Variants in FOXE1 observed in about 807,000 individuals in gnomAD.
FOXE1 encodes the protein forkhead box E1.
Under a neutral mutation model 2.1 loss-of-function variants are expected in FOXE1, and 4 were observed. That is an observed-to-expected ratio of 1.91 (90% confidence interval 0.94 to 4.37). The LOEUF (loss-of-function observed/expected upper bound fraction) is 4.37. FOXE1 is among the 30% of genes most tolerant of loss of function. The probability of loss-of-function intolerance (pLI) is 0.01; values close to 1 mark genes in which losing one functional copy is unlikely to be tolerated. For missense variants in FOXE1, 574 were observed against 583.3 expected (o/e 0.98, Z 0.16); for synonymous variants, 277 against 272.4 (o/e 1.02, Z -0.17).
chr9:97,854,204 G>T lies in FOXE1; in HGVS notation c.290G>T (p.Trp97Leu), dbSNP rs772990488. 3 of 1,613,032 alleles carry T rather than the reference G, an allele frequency of 1.9e-6. No individual in the cohort carries two copies. In the Admixed American group the frequency reaches 5.0e-5, roughly 27 times the overall value. The change falls in exon 1 of 1, where the codon TGG becomes TTG. Residue 97 changes from tryptophan to leucine, a missense_variant. By Grantham distance (61) the Trp-to-Leu change is moderately conservative. This residue lies in a region of FOXE1 where 249 missense variants were observed against 269.6 expected (regional missense o/e 0.92). Coordinates refer to ENST00000375123, the MANE Select transcript of FOXE1 (RefSeq NM_004473.4). ...TTCTACCGCGACAACCCCAAAAAGT[G>T]GCAGAACAGCATCCGCCACAACCTC... is the stretch of plus-strand genomic sequence containing the variant. Reference protein sequence around the residue: ...FPFYRDNPKKWQNSIRHNLTL... With the variant: ...FPFYRDNPKKLQNSIRHNLTL...
chr9:97,854,101 G>A lies in FOXE1; in HGVS notation c.187G>A (p.Ala63Thr). Residue 63 changes from alanine to threonine, a missense_variant, in exon 1 of 1, where the codon GCC becomes ACC. By Grantham distance (58) the Ala-to-Thr change is moderately conservative (BLOSUM62 0). Around this residue, in one of 3 missense-constraint regions of FOXE1, gnomAD observed 249 missense variants for 269.6 expected, o/e 0.92. Coordinates refer to ENST00000375123, the MANE Select transcript of FOXE1 (RefSeq NM_004473.4). ...KPPYSYIALIAMAIAHAPERR... is the reference protein window; with the variant it reads ...KPPYSYIALITMAIAHAPERR... ...GCCCTACAGCTACATCGCGCTCATCGCCATGGCCATCGCGCACGCGCCCGA... is the reference window on the plus strand; with the variant it reads ...GCCCTACAGCTACATCGCGCTCATCACCATGGCCATCGCGCACGCGCCCGA... 2 of 1,609,732 alleles carry A rather than the reference G, an allele frequency of 1.2e-6. No homozygotes were observed. Among genetic ancestry groups the A allele is most frequent in the East Asian group, 2.2e-5 (1 of 44,700 alleles).
chr9:97,853,229 C>G lies in FOXE1; in HGVS notation c.-686C>G, dbSNP rs1564088477. 6.6e-6 allele frequency: 1 copy of G among 152,438 alleles called. No homozygotes were observed. The highest frequency in any genetic ancestry group is 1.5e-5 in the Non-Finnish European group (1 of 68,244). The allele number at this position is 152,438 out of a possible 1,614,324, so 9.4% of individuals were successfully genotyped here. On this transcript the variant is annotated 5_prime_UTR_variant, in exon 1 of 1. Transcript: ENST00000375123. ...GAGGGGAAGCCGGCGGAGGGAGGAGCCGGTCCGGTGTGTGCAGGGGAGCGC... is the reference window on the plus strand; with the variant it reads ...GAGGGGAAGCCGGCGGAGGGAGGAGGCGGTCCGGTGTGTGCAGGGGAGCGC...
At position 97,854,119 on chromosome 9, in the gene FOXE1, G is replaced by A. The variant is rs1174239223; in HGVS notation, c.205G>A (p.Ala69Thr). The A allele has an allele frequency of 1.2e-6, 2 of 1,611,614 alleles. No individual in the cohort carries two copies. Among genetic ancestry groups the A allele is most frequent in the East Asian group, 2.2e-5 (1 of 44,756 alleles). The change falls in exon 1 of 1, where the codon GCG becomes ACG. Residue 69 changes from alanine (A) to threonine (T), a missense_variant. Ala to Thr is a moderately conservative substitution (Grantham distance 58). This residue lies in a region of FOXE1 where 249 missense variants were observed against 269.6 expected (regional missense o/e 0.92). Coordinates refer to ENST00000375123, the MANE Select transcript of FOXE1 (RefSeq NM_004473.4). ...IALIAMAIAH[A>T]PERRLTLGGI... is the part of the protein sequence containing the mutation. ...GCTCATCGCCATGGCCATCGCGCAC[G>A]CGCCCGAGCGCCGCCTCACGCTGGG... is the stretch of plus-strand genomic sequence containing the variant.
chr9:97,854,019 C>T lies in FOXE1; in HGVS notation c.105C>T (p.Ala35=), dbSNP rs760121433. The T allele has an allele frequency of 2.1e-6, 3 of 1,407,976 alleles. No homozygotes were observed. The highest frequency in any genetic ancestry group is 3.0e-5 in the African/African-American group (2 of 65,718). 87.2% of individuals were successfully genotyped at this position (1,407,976 alleles called of 1,614,324 possible). A position where few individuals can be genotyped will look rare whatever the true frequency, so the allele number is the denominator to read the frequency against. The part of the protein sequence containing the change: ...TAAGAGVPGE[A]TGRGAGGRRR... Reference sequence around the variant, plus strand: ...CAGGGGCCGGGGTCCCAGGGGAGGCCACGGGCCGCGGGGCGGGCGGGCGGC... The same window carrying T: ...CAGGGGCCGGGGTCCCAGGGGAGGCTACGGGCCGCGGGGCGGGCGGGCGGC... The change falls in exon 1 of 1, where the codon GCC becomes GCT. Residue 35 remains alanine (A), a synonymous_variant. Coordinates refer to ENST00000375123, the MANE Select transcript of FOXE1 (RefSeq NM_004473.4).
In FOXE1 at chr9:97,854,726, C is replaced by T. The variant is rs1457769253; in HGVS notation, c.812C>T (p.Pro271Leu). ...YQPAGCTGAR[P>L]ANPSAYAAAY... is the part of the protein sequence containing the mutation. ...CCCGCAGGCTGCACCGGGGCCCGGC[C>T]GGCCAACCCCTCCGCCTATGCGGCT... The change falls in exon 1 of 1, where the codon CCG becomes CTG. Residue 271 changes from proline to leucine, a missense_variant. Pro to Leu is a moderately conservative substitution (Grantham distance 98). This residue lies in a region of FOXE1 where 316 missense variants were observed against 288.4 expected (regional missense o/e 1.10). Transcript: ENST00000375123. 7.1e-7 allele frequency: 1 copy of T among 1,413,662 alleles called. No homozygotes were observed. Among genetic ancestry groups the T allele is most frequent in the East Asian group, 2.9e-5 (1 of 34,798 alleles). 87.6% of individuals were successfully genotyped at this position (1,413,662 alleles called of 1,614,324 possible). A position where few individuals can be genotyped will look rare whatever the true frequency, so the allele number is the denominator to read the frequency against.
Position 97,854,408 on chromosome 9 carries a change from C to G in FOXE1, c.494C>G (p.Ala165Gly). The change falls in exon 1 of 1, where the codon GCG (alanine) becomes GGG (glycine). Residue 165 changes from alanine (A) to glycine (G), a missense_variant. Coordinates refer to ENST00000375123, the MANE Select transcript of FOXE1 (RefSeq NM_004473.4). ...STYPAYMHDA[A>G]AAAAAAAAAA... Reference sequence around the variant, plus strand: ...TACCCGGCTTACATGCACGACGCGGCGGCTGCCGCAGCCGCCGCCGCCGCC... The same window carrying G: ...TACCCGGCTTACATGCACGACGCGGGGGCTGCCGCAGCCGCCGCCGCCGCC... 7.8e-7 allele frequency: 1 copy of G among 1,280,768 alleles called. No individual in the cohort carries two copies. The highest frequency in any genetic ancestry group is 9.8e-7 in the Non-Finnish European group (1 of 1,024,220). The allele number at this position is 1,280,768 out of a possible 1,614,324, so 79.3% of individuals were successfully genotyped here.
In FOXE1 at chr9:97,855,070, G is replaced by A. The variant is rs1036604457; in HGVS notation, c.*34G>A. ...AGGGACGAAAACTCATAGACACATC[G>A]GCTGTTCACACGTTCCCCGCAATCT... On this transcript the variant is annotated 3_prime_UTR_variant, in exon 1 of 1. Coordinates refer to ENST00000375123, the MANE Select transcript of FOXE1 (RefSeq NM_004473.4). The A allele has an allele frequency of 3.7e-6, 6 of 1,610,660 alleles. No homozygotes were observed. The highest frequency in any genetic ancestry group is 4.2e-6 in the Non-Finnish European group (5 of 1,178,804).
In FOXE1 at chr9:97,855,438, C is replaced by T. The variant is rs1830660348; in HGVS notation, c.*402C>T. On this transcript the variant is annotated 3_prime_UTR_variant, in exon 1 of 1. Transcript: ENST00000375123. ...ACTCGGGCCTTTTTACGCGGTTCGTCCTCTAGTGCCTTTAACTGCGTTACT... is the reference window on the plus strand; with the variant it reads ...ACTCGGGCCTTTTTACGCGGTTCGTTCTCTAGTGCCTTTAACTGCGTTACT... 3 of 294,194 alleles carry T rather than the reference C, an allele frequency of 1.0e-5. No individual in the cohort carries two copies. The highest frequency in any genetic ancestry group is 7.9e-5 in the East Asian group (1 of 12,620). The allele number at this position is 294,194 out of a possible 1,614,324, so 18.2% of individuals were successfully genotyped here.
chr9:97,854,850 C>T lies in FOXE1; in HGVS notation c.936C>T (p.Gly312=), dbSNP rs1448061276. Residue 312 remains glycine (G), a synonymous_variant, in exon 1 of 1, where the codon GGC becomes GGT. Coordinates refer to ENST00000375123, the MANE Select transcript of FOXE1 (RefSeq NM_004473.4). ...CGGGACCCGCTTCGCCCCCAGCGGG[C>T]GGCAGCAGTGGCGGCGTGGAGACCA... ...RLAGPASPPA[G]GSSGGVETTV... 1 of 1,551,762 alleles carries T rather than the reference C, an allele frequency of 6.4e-7. No homozygotes were observed. The highest frequency in any genetic ancestry group is 8.6e-7 in the Non-Finnish European group (1 of 1,157,004).
At position 97,854,403 on chromosome 9, in the gene FOXE1, C is replaced by T. The variant is rs1830635400; in HGVS notation, c.489C>T (p.Asp163=). Reference sequence around the variant, plus strand: ...CCACCTACCCGGCTTACATGCACGACGCGGCGGCTGCCGCAGCCGCCGCCG... The same window carrying T: ...CCACCTACCCGGCTTACATGCACGATGCGGCGGCTGCCGCAGCCGCCGCCG... ...DLSTYPAYMH[D]AAAAAAAAAA... Residue 163 remains aspartate (D), a synonymous_variant, in exon 1 of 1, where the codon GAC becomes GAT. Transcript: ENST00000375123. 1.5e-6 allele frequency: 2 copies of T among 1,307,400 alleles called. No individual in the cohort carries two copies. Among genetic ancestry groups the T allele is most frequent in the African/African-American group, 3.6e-5 (2 of 54,990 alleles). The allele number at this position is 1,307,400 out of a possible 1,614,324, so 81.0% of individuals were successfully genotyped here.
Position 97,854,036 on chromosome 9 carries a change from G to T in FOXE1, c.122G>T (p.Gly41Val). The part of the protein sequence containing the change: ...VPGEATGRGA[G>V]GRRRKRPLQR... ...GGGGAGGCCACGGGCCGCGGGGCGG[G>T]CGGGCGGCGCCGCAAGCGCCCCCTG... The change falls in exon 1 of 1, where the codon GGC becomes GTC. Residue 41 changes from glycine to valine, a missense_variant. By Grantham distance (109) the Gly-to-Val change is moderately radical. This residue lies in a region of FOXE1 where 249 missense variants were observed against 269.6 expected (regional missense o/e 0.92). Transcript: ENST00000375123. The T allele has an allele frequency of 6.9e-7, 1 of 1,451,768 alleles. No individual in the cohort carries two copies. The highest frequency in any genetic ancestry group is 9.1e-7 in the Non-Finnish European group (1 of 1,104,500). The allele number at this position is 1,451,768 out of a possible 1,614,324, so 89.9% of individuals were successfully genotyped here.
At position 97,855,206 on chromosome 9, in the gene FOXE1, T is replaced by C; in HGVS notation, c.*170T>C. 1 of 834,770 alleles carries C rather than the reference T, an allele frequency of 1.2e-6. No homozygotes were observed. 51.7% of individuals were successfully genotyped at this position (834,770 alleles called of 1,614,324 possible). Reference sequence around the variant, plus strand: ...CACAGCGTAGGCACCCGGTGTACTCTGTAAACGGGAGGAGGTGGGGCGAGG... The same window carrying C: ...CACAGCGTAGGCACCCGGTGTACTCCGTAAACGGGAGGAGGTGGGGCGAGG... On this transcript the variant is annotated 3_prime_UTR_variant, in exon 1 of 1. Transcript: ENST00000375123.
rs1830665032 is a variant in FOXE1 at position 97,855,826 on chromosome 9, T to C, written c.*790T>C. ...GCCACCCAAAGCCTAGCCGCTGTTC[T>C]AGGGAACGGAAAAGAGTTCATGGCC... On this transcript the variant is annotated 3_prime_UTR_variant, in exon 1 of 1. Transcript: ENST00000375123. 6.0e-6 allele frequency: 1 copy of C among 167,062 alleles called. No homozygotes were observed. Among genetic ancestry groups the C allele is most frequent in the African/African-American group, 2.4e-5 (1 of 41,462 alleles). 10.3% of individuals were successfully genotyped at this position (167,062 alleles called of 1,614,324 possible).
chr9:97,853,397 G>A lies in FOXE1; in HGVS notation c.-518G>A. 6.5e-6 allele frequency: 1 copy of A among 153,234 alleles called. No homozygotes were observed. Among genetic ancestry groups the A allele is most frequent in the East Asian group, 1.9e-4 (1 of 5,170 alleles). The allele number at this position is 153,234 out of a possible 1,614,324, so 9.5% of individuals were successfully genotyped here. A position where few individuals can be genotyped will look rare whatever the true frequency, so the allele number is the denominator to read the frequency against. On this transcript the variant is annotated 5_prime_UTR_variant, in exon 1 of 1. Coordinates refer to ENST00000375123, the MANE Select transcript of FOXE1 (RefSeq NM_004473.4). The stretch of plus-strand genomic sequence containing the variant: ...GCTTACGGCCACCTTGGCCTCGGGG[G>A]CAGGGCATGGGCGGCCCCCGCCAGA...
chr9:97,854,035 G>T lies in FOXE1; in HGVS notation c.121G>T (p.Gly41Cys), dbSNP rs1179653570. The T allele has an allele frequency of 2.8e-6, 4 of 1,450,422 alleles. No homozygotes were observed. The highest frequency in any genetic ancestry group is 1.5e-5 in the African/African-American group (1 of 67,212). The allele number at this position is 1,450,422 out of a possible 1,614,324, so 89.8% of individuals were successfully genotyped here. ...AGGGGAGGCCACGGGCCGCGGGGCG[G>T]GCGGGCGGCGCCGCAAGCGCCCCCT... ...VPGEATGRGA[G>C]GRRRKRPLQR... The change falls in exon 1 of 1, where the codon GGC becomes TGC. Residue 41 changes from glycine to cysteine, a missense_variant. By Grantham distance (159) the Gly-to-Cys change is radical. This residue lies in a region of FOXE1 where 249 missense variants were observed against 269.6 expected (regional missense o/e 0.92). Transcript: ENST00000375123.
rs150571747 is a variant in FOXE1, at chr9:97,854,193, C to T, written c.279C>T (p.Asn93=). 1.8e-3 allele frequency: 2,946 copies of T among 1,613,114 alleles called. 9 individuals are homozygous for T. The highest frequency in any genetic ancestry group is 3.0e-3 in the Middle Eastern group (18 of 6,060). The change falls in exon 1 of 1, where the codon AAC becomes AAT. Residue 93 remains asparagine, a synonymous_variant. Coordinates refer to ENST00000375123, the MANE Select transcript of FOXE1 (RefSeq NM_004473.4). ...ITERFPFYRD[N]PKKWQNSIRH... is the part of the protein sequence containing the mutation. ...AGCGCTTCCCCTTCTACCGCGACAA[C>T]CCCAAAAAGTGGCAGAACAGCATCC...
In FOXE1 at chr9:97,853,953, G is replaced by A. The variant is rs970354550; in HGVS notation, c.39G>A (p.Glu13=). ...GCGGGCCGCCGCCGCCGCAGCCGGA[G>A]GTGCTGGCTACCGTGAAGGAAGAGC... ...AESGPPPPQP[E]VLATVKEERG... is the part of the protein sequence containing the mutation. Residue 13 remains glutamate, a synonymous_variant, in exon 1 of 1, where the codon GAG becomes GAA. Coordinates refer to ENST00000375123, the MANE Select transcript of FOXE1 (RefSeq NM_004473.4). The A allele has an allele frequency of 1.5e-6, 2 of 1,304,666 alleles. No individual in the cohort carries two copies. The highest frequency in any genetic ancestry group is 3.1e-5 in the African/African-American group (2 of 64,230). 80.8% of individuals were successfully genotyped at this position (1,304,666 alleles called of 1,614,324 possible). A position where few individuals can be genotyped will look rare whatever the true frequency, so the allele number is the denominator to read the frequency against.
Position 97,854,865 on chromosome 9 carries a change from C to T in FOXE1, c.951C>T (p.Gly317=), listed in dbSNP as rs757806215. 28 of 1,564,628 alleles carry T rather than the reference C, an allele frequency of 1.8e-5. No homozygotes were observed. The African/African-American group carries it at 2.7e-4, about 15-fold the overall frequency. The stretch of plus-strand genomic sequence containing the variant: ...CCCCAGCGGGCGGCAGCAGTGGCGG[C>T]GTGGAGACCACGGTGGACTTCTACG... ...ASPPAGGSSG[G]VETTVDFYGR... The change falls in exon 1 of 1, where the codon GGC becomes GGT. Residue 317 remains glycine (G), a synonymous_variant. Coordinates refer to ENST00000375123, the MANE Select transcript of FOXE1 (RefSeq NM_004473.4).
Position 97,853,877 on chromosome 9 carries a change from C to A in FOXE1, c.-38C>A. 2 of 1,253,690 alleles carry A rather than the reference C, an allele frequency of 1.6e-6. No homozygotes were observed. Among genetic ancestry groups the A allele is most frequent in the South Asian group, 3.2e-5 (1 of 30,880 alleles). The allele number at this position is 1,253,690 out of a possible 1,614,324, so 77.7% of individuals were successfully genotyped here. A position where few individuals can be genotyped will look rare whatever the true frequency, so the allele number is the denominator to read the frequency against. ...GCCCGCCCCCGCCCCCCGACAGCCGCGGGGATCCAGAGCCCGGGGGTGCGG... is the reference window on the plus strand; with the variant it reads ...GCCCGCCCCCGCCCCCCGACAGCCGAGGGGATCCAGAGCCCGGGGGTGCGG... On this transcript the variant is annotated 5_prime_UTR_variant, in exon 1 of 1. Coordinates refer to ENST00000375123, the MANE Select transcript of FOXE1 (RefSeq NM_004473.4).
Sources: allele counts gnomAD v4.1 joint callset, GRCh38; gene constraint gnomAD v4.1.1; regional missense constraint gnomAD v4.1.1; transcripts MANE v1.5; gene names NCBI Gene and HGNC (gene_info 2026-07-23, HGNC 2026-07-21).